TMC1: variants seen among roughly 807,000 people sequenced by gnomAD.
TMC1 encodes the protein transmembrane channel-like protein 1.
Under a neutral mutation model 105.8 loss-of-function variants are expected in TMC1, and 84 were observed. That is an observed-to-expected ratio of 0.79 (90% CI 0.67 to 0.95). The LOEUF (loss-of-function observed/expected upper bound fraction) is 0.95, where lower values mean the gene tolerates loss of function less well. Ranked by LOEUF, TMC1 falls within the 40% of genes least tolerant of loss-of-function variation. TMC1 has a pLI of 0.00. For missense variants in TMC1, 817 were observed against 914.1 expected (o/e 0.89, Z 1.37); for synonymous variants, 315 against 311.5 (o/e 1.01, Z -0.12).
intron 13 of TMC1, among the ~76,000 whole-genome samples, chr9:72,784,633 T>C (rs1828141821): frequency 6.6e-6 from 1 of 152,192 alleles, no homozygotes; most frequent in African/African-American, 2.4e-5. Flanking sequence ...TAAAGACACA[T>C]GTACTCATAT....
At position 72,830,456 on chromosome 9, in the gene TMC1, C is replaced by T; in HGVS notation, c.2135C>T (p.Ala712Val). ...TTTTTTTCTTTTTAATTTAGTTTGG[C>T]CATCTATTATCTCAATGCTACTGCC... ...VIAVILVMVL[A>V]IYYLNATAKG... Residue 712 changes from alanine (A) to valine (V), a missense_variant, in exon 22 of 24, where the codon GCC becomes GTC. Ala to Val is a moderately conservative substitution (Grantham distance 64, BLOSUM62 0). Coordinates refer to ENST00000297784, the MANE Select transcript of TMC1 (RefSeq NM_138691.3). The T allele has an allele frequency of 6.2e-7, 1 of 1,610,818 alleles. No individual in the cohort carries two copies. The highest frequency in any genetic ancestry group is 8.5e-7 in the Non-Finnish European group (1 of 1,177,510).
intron 1 of TMC1, among the ~76,000 whole-genome samples, chr9:72,554,487 G>GT (rs1185569290): frequency 6.6e-6 from 1 of 152,078 alleles, no homozygotes; most frequent in Non-Finnish European, 1.5e-5. Flanking sequence ...AAAACTATGT[G>GT]TTTTTTTCTT....
At chr9:72,626,608 C>G (rs1401205608) in intron 3 of TMC1, among the ~76,000 whole-genome samples, 1 of 152,056 alleles carries the variant, frequency 6.6e-6, no homozygotes, top group African/African-American at 2.4e-5. Flanking sequence ...TCCAGGAAGC[C>G]AAGAATGAGA....
intron 1 of TMC1, among the ~76,000 whole-genome samples, chr9:72,571,975 T>C (rs1349826165): frequency 2.0e-5 from 3 of 151,940 alleles, no homozygotes; most frequent in African/African-American, 7.3e-5. Flanking sequence ...TAGCTGGGAT[T>C]ACAGGCATGT....
chr9:72,716,603 G>T (rs887643689), intron 8 of TMC1, among the ~76,000 whole-genome samples: 1 of 152,112 alleles, frequency 6.6e-6, no homozygotes, highest in Non-Finnish European at 1.5e-5. Flanking sequence ...AATGGCAGAC[G>T]TCCCTCCCCC....
At chr9:72,765,646 A>T (rs1398458991) in intron 12 of TMC1, among the ~76,000 whole-genome samples, 2 of 152,190 alleles carry the variant, frequency 1.3e-5, no homozygotes, top group East Asian at 3.9e-4. Context: ...TACTAAAAAA[A>T]AAAAAAAAAA....
At chr9:72,689,312 G>C (rs919679947) in intron 6 of TMC1, among the ~76,000 whole-genome samples, 1 of 152,124 alleles carries the variant, frequency 6.6e-6, no homozygotes, top group Non-Finnish European at 1.5e-5. Flanking sequence ...AACAAGGTAG[G>C]TCGGATGATT....
At chr9:72,705,435 G>GT (rs1302943747) in intron 8 of TMC1, among the ~76,000 whole-genome samples, 1 of 152,040 alleles carries the variant, frequency 6.6e-6, no homozygotes, top group Non-Finnish European at 1.5e-5. Flanking sequence ...GTGGACCATG[G>GT]TCTTCAAACT....
At chr9:72,588,341 C>T (rs921412460) in intron 2 of TMC1, among the ~76,000 whole-genome samples, 3 of 152,056 alleles carry the variant, frequency 2.0e-5, no homozygotes, top group African/African-American at 4.8e-5. Context: ...TAGAACAGCT[C>T]CTCTCTATAC....
chr9:72,645,480 C>G (rs569343201), intron 4 of TMC1, among the ~76,000 whole-genome samples: 2 of 152,226 alleles, frequency 1.3e-5, no homozygotes, highest in East Asian at 3.9e-4. Context: ...AAAATAAGAG[C>G]AGACCAGTCA....
At chr9:72,806,885 C>T (rs1828605078) in intron 18 of TMC1, among the ~76,000 whole-genome samples, 1 of 152,240 alleles carries the variant, frequency 6.6e-6, no homozygotes, top group South Asian at 2.1e-4. Context: ...AGGCTGCAAT[C>T]TCGGCACTTT....
At chr9:72,747,415 G>T (rs1426782813) in intron 10 of TMC1, among the ~76,000 whole-genome samples, 2 of 152,156 alleles carry the variant, frequency 1.3e-5, no homozygotes, top group East Asian at 1.9e-4. Flanking sequence ...AAGAGGAAAT[G>T]ATGTGTTATG....
chr9:72,589,729 T>G (rs1824604993), intron 2 of TMC1, among the ~76,000 whole-genome samples: 1 of 152,188 alleles, frequency 6.6e-6, no homozygotes, highest in Non-Finnish European at 1.5e-5. Context: ...CTTTCTTGAG[T>G]CAATTCTAAC....
intron 4 of TMC1, among the ~76,000 whole-genome samples, chr9:72,646,641 T>C (rs1825715348): frequency 9.2e-5 from 14 of 151,608 alleles, no homozygotes; most frequent in Non-Finnish European, 1.5e-5. Context: ...TTTATTTATT[T>C]ATTTTTTTTT....
intron 18 of TMC1, among the ~76,000 whole-genome samples, chr9:72,814,265 C>T (rs1318838360): frequency 6.6e-6 from 1 of 152,150 alleles, no homozygotes. Context: ...CAGATGTGTT[C>T]TGTGATCACA....
intron 2 of TMC1, among the ~76,000 whole-genome samples, chr9:72,598,970 G>A (rs1824763481): frequency 6.6e-6 from 1 of 152,170 alleles, no homozygotes; most frequent in Non-Finnish European, 1.5e-5. Context: ...GGAGGAATTT[G>A]TAGGAAAGGC....
chr9:72,735,632 G>A (rs1181846084), intron 8 of TMC1, among the ~76,000 whole-genome samples: 2 of 152,130 alleles, frequency 1.3e-5, no homozygotes, highest in Non-Finnish European at 2.9e-5. Context: ...ATAGAATTGG[G>A]TGATACTAGT....
intron 2 of TMC1, among the ~76,000 whole-genome samples, chr9:72,595,673 CTT>C (rs71357596): frequency 0.12 from 14,314 of 123,788 alleles, 875 homozygotes; most frequent in Middle Eastern, 0.2. Flanking sequence ...CAACTCTCAA[CTT>C]TTTTTTTTTT....
At chr9:72,831,594 C>A (rs933456373) in intron 23 of TMC1, among the ~76,000 whole-genome samples, 2 of 152,044 alleles carry the variant, frequency 1.3e-5, no homozygotes, top group South Asian at 2.1e-4. Flanking sequence ...CTGCTCCCCC[C>A]ACCGCACGAC....
Sources: gnomAD v4.1 joint callset for allele counts (sites outside exome capture counted in the v4.1 genomes callset) on GRCh38, gnomAD v4.1.1 for gene constraint, MANE v1.5 for transcripts, NCBI Gene and HGNC (gene_info 2026-07-23, HGNC 2026-07-21) for gene names.